DOCK8: variants seen among roughly 807,000 people sequenced by gnomAD.
DOCK8 encodes the protein dedicator of cytokinesis protein 8.
In DOCK8, 141 loss-of-function variants were observed where a neutral mutation model predicts 245.6. The observed-to-expected ratio is 0.57, with a 90% CI of 0.50 to 0.66. The LOEUF is 0.66. DOCK8 is among the 30% of genes least tolerant of loss of function. DOCK8 has a pLI of 0.00. For synonymous variants in DOCK8, 1,168 were observed against 970.2 expected (o/e 1.20, Z -3.79); for missense variants, 2,965 against 2,603.4 (o/e 1.14, Z -3.02).
chr9:424,104 A>G (rs1233557394), intron 33 of DOCK8, among the ~76,000 whole-genome samples: 1 of 151,012 alleles, frequency 6.6e-6, no homozygotes, highest in Non-Finnish European at 1.5e-5. Context: ...TAAAATTATA[A>G]CTGTTCAACC....
intron 33 of DOCK8, among the ~76,000 whole-genome samples, chr9:424,540 G>C (rs916562265): frequency 1.3e-5 from 2 of 152,140 alleles, no homozygotes; most frequent in African/African-American, 4.8e-5. Context: ...CTCCCAAGTA[G>C]ATGGGACTAC....
chr9:214,453 C>CTTT, upstream of DOCK8: 1 of 1,534,132 alleles, frequency 6.5e-7, no homozygotes, highest in Non-Finnish European at 8.9e-7. Flanking sequence ...ACTTTTTTGT[C>CTTT]TTTTTTTTTG....
At chr9:390,587 T>C (rs776567798) in intron 24 of DOCK8, 21 bp downstream of exon 24, 6 of 1,607,826 alleles carry the variant, frequency 3.7e-6, no homozygotes, top group Non-Finnish European at 5.1e-6. Flanking sequence ...TGCGCGTTTG[T>C]ATCTGTGCTC....
rs1244684347 is a variant in DOCK8, at chr9:407,111, AC to A, written c.3530+43del. On this transcript the variant is annotated intron_variant, in intron 28 of 47. Transcript: ENST00000432829. ...TAAAATGGAAGATGAAGCCAAAAAA[AC>A]AGATGTTCTTTAATAAAATTTGCAG... is the stretch of plus-strand genomic sequence containing the variant. 3 of 1,613,566 alleles carry A rather than the reference AC, an allele frequency of 1.9e-6. No homozygotes were observed. In the African/African-American group the frequency reaches 4.0e-5, roughly 22 times the overall value.
In DOCK8 at chr9:464,413, T is replaced by TG; in HGVS notation, c.*200dup. 3 of 651,144 alleles carry TG rather than the reference T, an allele frequency of 4.6e-6. No homozygotes were observed. The highest frequency in any genetic ancestry group is 2.8e-6 in the Non-Finnish European group (1 of 362,912). 40.3% of individuals were successfully genotyped at this position (651,144 alleles called of 1,614,324 possible). A position where few individuals can be genotyped will look rare whatever the true frequency, so the allele number is the denominator to read the frequency against. On this transcript the variant is annotated 3_prime_UTR_variant, in exon 48 of 48. Transcript: ENST00000432829. ...GACTCTGACCAGATTTTTGCCATAC[T>TG]GGGGGGTGGCGGGATGGAGGATGGG...
intron 7 of DOCK8, among the ~76,000 whole-genome samples, chr9:318,707 A>C (rs538706388): frequency 5.3e-5 from 8 of 152,262 alleles, no homozygotes; most frequent in Non-Finnish European, 1.2e-4. Context: ...TTGCAAACCA[A>C]CCTGGCAGTG....
At chr9:302,738 A>G (rs1321481318) in intron 4 of DOCK8, among the ~76,000 whole-genome samples, 2 of 152,238 alleles carry the variant, frequency 1.3e-5, no homozygotes, top group Non-Finnish European at 1.5e-5. Flanking sequence ...CAAAAAATAT[A>G]TGAAAAAATG....
In DOCK8 at chr9:221,872, C is replaced by G. The variant is rs186277436; in HGVS notation, c.53+6843C>G. On this transcript the variant is annotated intron_variant, in intron 1 of 47. Coordinates refer to ENST00000432829, the MANE Select transcript of DOCK8 (RefSeq NM_203447.4). ...ACTCTGCATGTAAATCAATACAGAGCTGCATTATAATTTACATAGGCTGTA... is the reference window on the plus strand; with the variant it reads ...ACTCTGCATGTAAATCAATACAGAGGTGCATTATAATTTACATAGGCTGTA... 4.6e-5 allele frequency among the ~76,000 whole-genome samples: 7 copies of G among 151,438 alleles called. No individual in the cohort carries two copies. The East Asian group carries it at 1.4e-3, about 29-fold the overall frequency.
intron 24 of DOCK8, 147 bp downstream of exon 24, chr9:390,713 C>A: frequency 1.3e-6 from 1 of 750,134 alleles, no homozygotes; most frequent in Non-Finnish European, 2.3e-6. Flanking sequence ...CCCTCCCATC[C>A]TTCTTCCACT....
At chr9:424,242 C>G (rs1355779934) in intron 33 of DOCK8, among the ~76,000 whole-genome samples, 1 of 151,936 alleles carries the variant, frequency 6.6e-6, no homozygotes, top group Non-Finnish European at 1.5e-5. Flanking sequence ...ATTAGAATCA[C>G]CTGGGGAGCT....
chr9:379,819 G>T lies in DOCK8; in HGVS notation c.2489G>T (p.Ser830Ile). 2 of 1,614,234 alleles carry T rather than the reference G, an allele frequency of 1.2e-6. No individual in the cohort carries two copies. Among genetic ancestry groups the T allele is most frequent in the Non-Finnish European group, 1.7e-6 (2 of 1,180,046 alleles). Residue 830 changes from serine (S) to isoleucine (I), a missense_variant, in exon 21 of 48, where the codon AGT becomes ATT. By Grantham distance (142) the Ser-to-Ile change is moderately radical (BLOSUM62 -2). Around this residue, in one of 3 missense-constraint regions of DOCK8, gnomAD observed 2,825 missense variants for 2,453.5 expected, o/e 1.15. Transcript: ENST00000432829. ...AFESVVAIAN[S>I]LHNSKDLSKD... ...GAGTCCGTGGTGGCCATCGCCAACA[G>T]TCTGCACAACAGCAAGGACCTGAGC...
At chr9:371,327 C>G (rs1283883483) in intron 16 of DOCK8, 101 bp from the exon 17 acceptor site, 3 of 1,429,970 alleles carry the variant, frequency 2.1e-6, no homozygotes, top group East Asian at 2.3e-5. Context: ...AAGCAAAACA[C>G]CAGGCAAATT....
At chr9:287,210 C>T (rs2048859154) in intron 3 of DOCK8, among the ~76,000 whole-genome samples, 1 of 152,126 alleles carries the variant, frequency 6.6e-6, no homozygotes, top group African/African-American at 2.4e-5. Context: ...GTGGGGAGAG[C>T]TCTGTAGAAT....
chr9:247,740 T>C (rs1292891295), intron 1 of DOCK8, among the ~76,000 whole-genome samples: 11 of 152,142 alleles, frequency 7.2e-5, no homozygotes, highest in African/African-American at 2.6e-4. Flanking sequence ...GGTTTCATCG[T>C]GTTAGCCAGG....
intron 33 of DOCK8, among the ~76,000 whole-genome samples, chr9:424,437 T>C (rs1477537269): frequency 1.3e-5 from 2 of 151,894 alleles, no homozygotes; most frequent in Non-Finnish European, 2.9e-5. Context: ...TGAGACAAGG[T>C]CTCACTCTGT....
chr9:375,352 T>C (rs2053472702), intron 18 of DOCK8, among the ~76,000 whole-genome samples: 1 of 152,122 alleles, frequency 6.6e-6, no homozygotes, highest in South Asian at 2.1e-4. Context: ...CCTACGAAGG[T>C]AATGATATAT....
intron 1 of DOCK8, among the ~76,000 whole-genome samples, chr9:236,548 C>A (rs1007223019): frequency 6.6e-6 from 1 of 152,168 alleles, no homozygotes; most frequent in Non-Finnish European, 1.5e-5. Flanking sequence ...ACTATGGCAT[C>A]ATAGCACCTC....
chr9:334,413 G>C, intron 11 of DOCK8, 29 bp downstream of exon 11: 1 of 1,609,190 alleles, frequency 6.2e-7, no homozygotes, highest in Non-Finnish European at 8.5e-7. Flanking sequence ...GTGGGAAAGG[G>C]AGGGCTCCCC....
chr9:295,554 A>G (rs1017930375), intron 4 of DOCK8, among the ~76,000 whole-genome samples: 1 of 152,224 alleles, frequency 6.6e-6, no homozygotes, highest in African/African-American at 2.4e-5. Flanking sequence ...TCTCTCCCAT[A>G]TATTGAACGC....
Sources: gnomAD v4.1 joint callset for allele counts (sites outside exome capture counted in the v4.1 genomes callset) on GRCh38, gnomAD v4.1.1 for gene constraint, gnomAD v4.1.1 regional missense constraint, MANE v1.5 for transcripts, NCBI Gene and HGNC (gene_info 2026-07-23, HGNC 2026-07-21) for gene names.